Variants in ARHGAP15 observed in about 807,000 individuals in gnomAD.
ARHGAP15 encodes the protein rho GTPase-activating protein 15.
A neutral mutation model predicts 63.7 loss-of-function variants in ARHGAP15; 51 were observed. The observed-to-expected ratio is 0.80, with a 90% CI of 0.64 to 1.01. The LOEUF (loss-of-function observed/expected upper bound fraction) is 1.01. ARHGAP15 is among the 50% of genes least tolerant of loss of function. The pLI is 0.00. For synonymous variants in ARHGAP15, 191 were observed against 193.8 expected (o/e 0.99, Z 0.12); for missense variants, 560 against 564.6 (o/e 0.99, Z 0.08).
chr2:143,317,437 A>G (rs536477822), intron 6 of ARHGAP15, among the ~76,000 whole-genome samples: 3 of 152,210 alleles, frequency 2.0e-5, no homozygotes, highest in Non-Finnish European at 4.4e-5. Flanking sequence ...TATTGCACAA[A>G]ATAAATTCTT....
chr2:143,512,442 T>A (rs1024991282), intron 9 of ARHGAP15, among the ~76,000 whole-genome samples: 1 of 152,144 alleles, frequency 6.6e-6, no homozygotes, highest in Admixed American at 6.5e-5. Context: ...CCCAAGGGAA[T>A]CTCAGGGTGT....
chr2:143,264,215 A>G (rs530860174), intron 6 of ARHGAP15, among the ~76,000 whole-genome samples: 52 of 151,956 alleles, frequency 3.4e-4, no homozygotes, highest in Middle Eastern at 3.4e-3. Context: ...ATTCAAAAAT[A>G]CCCAGGTCAT....
intron 5 of ARHGAP15, among the ~76,000 whole-genome samples, chr2:143,242,479 A>G (rs1358303349): frequency 6.6e-6 from 1 of 152,254 alleles, no homozygotes; most frequent in Admixed American, 6.5e-5. Context: ...TATTCCAGCA[A>G]GATTTTGATT....
chr2:143,331,620 G>A (rs180773318), intron 6 of ARHGAP15, among the ~76,000 whole-genome samples: 2 of 152,264 alleles, frequency 1.3e-5, no homozygotes, highest in East Asian at 3.9e-4. Flanking sequence ...GGATTATATA[G>A]ACACATCTGC....
intron 6 of ARHGAP15, among the ~76,000 whole-genome samples, chr2:143,327,122 T>C (rs1224070524): frequency 1.3e-5 from 2 of 151,832 alleles, no homozygotes; most frequent in Non-Finnish European, 1.5e-5. Flanking sequence ...ACACCAATAA[T>C]AGAGAGCTAA....
chr2:143,454,659 T>G (rs978462078), intron 8 of ARHGAP15, among the ~76,000 whole-genome samples: 1 of 152,056 alleles, frequency 6.6e-6, no homozygotes, highest in Non-Finnish European at 1.5e-5. Context: ...CTCCTCCTAA[T>G]ATTTTTCTTA....
chr2:143,567,077 G>A lies in ARHGAP15; in HGVS notation c.1003+10592G>A, dbSNP rs377693375. ...TTTTTAGTAGAGAAGGGGTTTTGCC[G>A]TGTTAGCCAGGATGGTCTCGATCTC... On this transcript the variant is annotated intron_variant, in intron 11 of 13. Coordinates refer to ENST00000295095, the MANE Select transcript of ARHGAP15 (RefSeq NM_018460.4). Among the ~76,000 whole-genome samples, 49 of 152,020 alleles carry A rather than the reference G, an allele frequency of 3.2e-4. No individual in the cohort carries two copies. The East Asian group carries it at 5.6e-3, about 17-fold the overall frequency.
chr2:143,707,853 A>T (rs1684401914), intron 13 of ARHGAP15, among the ~76,000 whole-genome samples: 2 of 152,242 alleles, frequency 1.3e-5, no homozygotes, highest in Non-Finnish European at 2.9e-5. Flanking sequence ...TCAGAGATAC[A>T]GTCTTTTGCA....
intron 12 of ARHGAP15, among the ~76,000 whole-genome samples, chr2:143,643,061 G>T (rs751749278): frequency 3.9e-5 from 6 of 152,056 alleles, no homozygotes; most frequent in African/African-American, 1.4e-4. Flanking sequence ...AATTAATTGC[G>T]GAGAATTCAA....
intron 6 of ARHGAP15, among the ~76,000 whole-genome samples, chr2:143,385,907 G>T (rs1486256260): frequency 6.6e-6 from 1 of 152,016 alleles, no homozygotes; most frequent in Non-Finnish European, 1.5e-5. Context: ...CCAGTTAAAA[G>T]GCCATCTCAG....
intron 11 of ARHGAP15, among the ~76,000 whole-genome samples, chr2:143,567,033 G>T (rs1276308775): frequency 6.6e-6 from 1 of 151,838 alleles, no homozygotes; most frequent in Non-Finnish European, 1.5e-5. Context: ...CCGCCACCAC[G>T]CCTGGCTAAT....
intron 11 of ARHGAP15, among the ~76,000 whole-genome samples, chr2:143,560,260 G>T (rs1397710502): frequency 6.6e-6 from 1 of 152,156 alleles, no homozygotes; most frequent in African/African-American, 2.4e-5. Flanking sequence ...AACTAGTAAT[G>T]ATGATAATAG....
intron 6 of ARHGAP15, among the ~76,000 whole-genome samples, chr2:143,283,037 C>A (rs994499625): frequency 3.9e-5 from 6 of 152,192 alleles, no homozygotes; most frequent in African/African-American, 1.4e-4. Flanking sequence ...TTGCCACTCA[C>A]CACATAAAGT....
chr2:143,287,917 G>C (rs2105106558), intron 6 of ARHGAP15, among the ~76,000 whole-genome samples: 1 of 152,328 alleles, frequency 6.6e-6, no homozygotes, highest in Non-Finnish European at 1.5e-5. Context: ...TTCAGGTGAA[G>C]GATGCTGAAT....
intron 12 of ARHGAP15, chr2:143,676,295 T>C (rs1051772084): frequency 1.3e-5 from 2 of 152,292 alleles, no homozygotes; most frequent in Non-Finnish European, 2.9e-5. Context: ...TGTTTTGCTT[T>C]CTTATCATTC....
chr2:143,173,041 A>G (rs10203011), intron 2 of ARHGAP15, among the ~76,000 whole-genome samples: 46,513 of 151,918 alleles, frequency 0.31, 7,374 homozygotes, highest in South Asian at 0.47. Flanking sequence ...GAATTTCAAT[A>G]AAGAAGGGGT....
intron 2 of ARHGAP15, among the ~76,000 whole-genome samples, chr2:143,194,188 G>A (rs1395754019): frequency 6.6e-6 from 1 of 152,026 alleles, no homozygotes; most frequent in African/African-American, 2.4e-5. Flanking sequence ...GTATTTGTGT[G>A]GTAGTTCTTG....
intron 2 of ARHGAP15, among the ~76,000 whole-genome samples, chr2:143,192,663 T>G (rs556408354): frequency 1.3e-5 from 2 of 152,382 alleles, no homozygotes; most frequent in South Asian, 4.1e-4. Flanking sequence ...TATTTCTGTT[T>G]CTTTTTCTTT....
At chr2:143,743,748 T>C (rs1686054290) in intron 13 of ARHGAP15, among the ~76,000 whole-genome samples, 1 of 152,100 alleles carries the variant, frequency 6.6e-6, no homozygotes, top group Non-Finnish European at 1.5e-5. Context: ...AGCAAAACAT[T>C]ATTTCAGCCA....
Sources: allele counts gnomAD v4.1 joint callset (sites outside exome capture counted in the v4.1 genomes callset), GRCh38; gene constraint gnomAD v4.1.1; transcripts MANE v1.5; gene names NCBI Gene and HGNC (gene_info 2026-07-23, HGNC 2026-07-21).